SART3: variants seen among roughly 807,000 people sequenced by gnomAD.
SART3 encodes spliceosome associated factor 3, U4/U6 recycling protein, also known as HIV-1 Tat-interacting protein of 110kDa.
A neutral mutation model predicts 122.3 loss-of-function variants in SART3; 44 were observed. The observed-to-expected ratio is 0.36, with a 90% CI of 0.28 to 0.46. The LOEUF (loss-of-function observed/expected upper bound fraction) is 0.46. Ranked by LOEUF, SART3 falls within the 20% of genes least tolerant of loss-of-function variation. The probability of loss-of-function intolerance (pLI) is 1.00; values close to 1 mark genes in which losing one functional copy is unlikely to be tolerated. For synonymous variants in SART3, 442 were observed against 454.0 expected (o/e 0.97, Z 0.34); for missense variants, 1,101 against 1,229.0 (o/e 0.90, Z 1.56).
intron 12 of SART3, among the ~76,000 whole-genome samples, chr12:108,533,844 G>A (rs942471999): frequency 6.6e-6 from 1 of 152,186 alleles, no homozygotes; most frequent in African/African-American, 2.4e-5. Flanking sequence ...AGACAAATGG[G>A]TATTACTGTA....
chr12:108,556,545 T>C (rs530147952), intron 1 of SART3, among the ~76,000 whole-genome samples: 176 of 152,350 alleles, frequency 1.2e-3, no homozygotes, highest in Middle Eastern at 3.4e-3. Flanking sequence ...TCATAAAACC[T>C]GAGAAGCTGA....
chr12:108,525,666 C>G (rs1872340253), intron 16 of SART3, 57 bp from the exon 17 acceptor site: 18 of 1,540,014 alleles, frequency 1.2e-5, no homozygotes, highest in African/African-American at 4.1e-5. Context: ...CCCAGCTCAC[C>G]TGACTCCTCT....
At chr12:108,558,523 TG>T (rs1271088725) in intron 1 of SART3, among the ~76,000 whole-genome samples, 2 of 152,194 alleles carry the variant, frequency 1.3e-5, no homozygotes, top group Non-Finnish European at 2.9e-5. Flanking sequence ...TCCCCTTTCT[TG>T]CTCTTTAGCA....
rs1232086569 is a variant in SART3 at position 108,526,573 on chromosome 12, AAGT to A, written c.1916-23_1916-21del. 1 of 1,611,998 alleles carries A rather than the reference AAGT, an allele frequency of 6.2e-7. No individual in the cohort carries two copies. Among genetic ancestry groups the A allele is most frequent in the Admixed American group, 1.7e-5 (1 of 60,012 alleles). ...GCTGCTCTACAGGTTTTCAAAAGAA[AAGT>A]AGCCATGGTTAACTGTTACTTCTCT... On this transcript the variant is annotated intron_variant, in intron 15 of 18. Transcript: ENST00000546815.
intron 3 of SART3, among the ~76,000 whole-genome samples, chr12:108,547,639 CT>C (rs935507372): frequency 1.9e-3 from 288 of 152,314 alleles, no homozygotes; most frequent in African/African-American, 6.5e-3. Context: ...TAAGTTCTCA[CT>C]GTCAATAAAT....
intron 1 of SART3, among the ~76,000 whole-genome samples, chr12:108,553,889 A>C (rs2030108138): frequency 6.6e-6 from 1 of 152,208 alleles, no homozygotes; most frequent in Non-Finnish European, 1.5e-5. Flanking sequence ...TCCTAGGAAC[A>C]ATTTGCAAAT....
At chr12:108,558,155 A>C (rs2030313404) in intron 1 of SART3, among the ~76,000 whole-genome samples, 2 of 152,224 alleles carry the variant, frequency 1.3e-5, no homozygotes, top group African/African-American at 4.8e-5. Context: ...CAAGAGTGAG[A>C]TGCTCTCAAA....
At chr12:108,538,034 C>T in intron 8 of SART3, 31 bp downstream of exon 8, 1 of 1,613,862 alleles carries the variant, frequency 6.2e-7, no homozygotes, top group Middle Eastern at 1.7e-4. Flanking sequence ...GGACAAATAG[C>T]TTAGAAGTTC....
chr12:108,534,507 T>TA (rs879940836), intron 12 of SART3, among the ~76,000 whole-genome samples: 1,599 of 139,506 alleles, frequency 0.011, 19 homozygotes, highest in African/African-American at 0.031. Context: ...GTGCCTCTTC[T>TA]AAAAAAAAAA....
chr12:108,542,363 T>C (rs1873207084), intron 6 of SART3, among the ~76,000 whole-genome samples: 1 of 152,134 alleles, frequency 6.6e-6, no homozygotes, highest in Non-Finnish European at 1.5e-5. Flanking sequence ...GAAAACACTT[T>C]AACATCACCC....
At chr12:108,548,053 C>A in intron 2 of SART3, 62 bp from the exon 3 acceptor site, 1 of 1,374,658 alleles carries the variant, frequency 7.3e-7, no homozygotes, top group Non-Finnish European at 1.0e-6. Context: ...AGGGACTTTA[C>A]CAAGAGACAT....
rs1370107743 is a variant in SART3, at chr12:108,522,445, G to T, written c.*1012C>A. The T allele has an allele frequency of 6.6e-6, 1 of 152,166 alleles. No individual in the cohort carries two copies. The highest frequency in any genetic ancestry group is 2.4e-5 in the African/African-American group (1 of 41,432). The allele number at this position is 152,166 out of a possible 1,614,324, so 9.4% of individuals were successfully genotyped here. On this transcript the variant is annotated 3_prime_UTR_variant, in exon 19 of 19. Transcript: ENST00000546815. ...CCCTACTGAACTGGCCAATGCTGTT[G>T]CTGTTTTCAAAGCAGTAAATATTAT...
chr12:108,523,401 GGGA>G lies in SART3; in HGVS notation c.*53_*55del. 1 of 1,578,858 alleles carries G rather than the reference GGGA, an allele frequency of 6.3e-7. No individual in the cohort carries two copies. The highest frequency in any genetic ancestry group is 8.7e-7 in the Non-Finnish European group (1 of 1,149,786). ...CATCCCCAGTGCACTGCTGGGTGGT[GGGA>G]GGTCCGCCGGGCCAGAGTGAAGTAA... On this transcript the variant is annotated 3_prime_UTR_variant, in exon 19 of 19. Coordinates refer to ENST00000546815, the MANE Select transcript of SART3 (RefSeq NM_014706.4).
At chr12:108,548,059 G>T in intron 2 of SART3, 68 bp from the exon 3 acceptor site, 1 of 1,320,778 alleles carries the variant, frequency 7.6e-7, no homozygotes, top group Non-Finnish European at 1.1e-6. Flanking sequence ...TTTACCAAGA[G>T]ACATCAGCAT....
intron 1 of SART3, 88 bp from the exon 2 acceptor site, chr12:108,549,302 G>T: frequency 7.1e-7 from 1 of 1,404,874 alleles, no homozygotes; most frequent in Non-Finnish European, 1.0e-6. Context: ...ACATATACCT[G>T]CCACAAACAA....
intron 9 of SART3, 42 bp downstream of exon 9, chr12:108,537,446 G>T: frequency 2.0e-6 from 3 of 1,490,356 alleles, no homozygotes; most frequent in South Asian, 1.1e-5. Flanking sequence ...GTTGTATTAA[G>T]AACATGTTCA....
chr12:108,560,747 C>A (rs777498840), intron 1 of SART3, 96 bp downstream of exon 1: 1 of 1,179,654 alleles, frequency 8.5e-7, no homozygotes. Flanking sequence ...GCCTTGGCGG[C>A]TTTATCGCCG....
chr12:108,532,389 G>C, intron 12 of SART3, 55 bp from the exon 13 acceptor site: 4 of 1,453,426 alleles, frequency 2.8e-6, no homozygotes, highest in Non-Finnish European at 3.8e-6. Context: ...GAAGGCACTC[G>C]AAGGGAGAGG....
At chr12:108,529,232 A>T (rs1872535453) in intron 15 of SART3, among the ~76,000 whole-genome samples, 1 of 152,234 alleles carries the variant, frequency 6.6e-6, no homozygotes, top group Non-Finnish European at 1.5e-5. Flanking sequence ...TGAAATCATG[A>T]CTTTCAGTAT....
Sources: gnomAD v4.1 joint callset for allele counts (sites outside exome capture counted in the v4.1 genomes callset) on GRCh38, gnomAD v4.1.1 for gene constraint, MANE v1.5 for transcripts, NCBI Gene and HGNC (gene_info 2026-07-23, HGNC 2026-07-21) for gene names.